NRXN3: variants seen among roughly 807,000 people sequenced by gnomAD.
The protein encoded by NRXN3 is neurexin 3, also known as neurexin III.
Under a neutral mutation model 137.6 loss-of-function variants are expected in NRXN3, and 32 were observed. The ratio of observed to expected loss-of-function variants is 0.23; its 90% CI spans 0.18 to 0.31. The LOEUF is 0.31. Ranked by LOEUF, NRXN3 falls within the 10% of genes least tolerant of loss-of-function variation. The pLI, the probability that NRXN3 is intolerant of heterozygous loss-of-function variation, is 1.00. For missense variants in NRXN3, 1,574 were observed against 2,062.5 expected (o/e 0.76, Z 4.59); for synonymous variants, 798 against 784.5 (o/e 1.02, Z -0.29).
intron 16 of NRXN3, among the ~76,000 whole-genome samples, chr14:79,541,398 C>T (rs1363504519): frequency 1.3e-5 from 2 of 152,044 alleles, no homozygotes; most frequent in Admixed American, 6.5e-5. Flanking sequence ...GAGCGAAACT[C>T]ATCTCAAAAA....
intron 16 of NRXN3, among the ~76,000 whole-genome samples, chr14:79,499,570 T>C (rs1282538959): frequency 6.6e-6 from 1 of 152,210 alleles, no homozygotes; most frequent in African/African-American, 2.4e-5. Context: ...GGAAAAGGAA[T>C]GTGACTGTTT....
rs201280874 is a variant in NRXN3, at chr14:78,559,638, GTC to G, written c.758-85478_758-85477del. Among the ~76,000 whole-genome samples, 503 of 152,294 alleles carry G rather than the reference GTC, an allele frequency of 3.3e-3. 4 individuals carry two copies. The highest frequency in any genetic ancestry group is 0.011 in the African/African-American group (477 of 41,552). ...CATGCACAAGAAAAATTTCTAAACT[GTC>G]TCTATTCTTGACAATACTTGGCATT... On this transcript the variant is annotated intron_variant, in intron 4 of 20. Transcript: ENST00000335750.
intron 8 of NRXN3, among the ~76,000 whole-genome samples, chr14:78,720,340 G>T (rs771747642): frequency 6.6e-6 from 1 of 152,088 alleles, no homozygotes; most frequent in Non-Finnish European, 1.5e-5. Context: ...TTAATACATA[G>T]CTACTTAATT....
intron 15 of NRXN3, among the ~76,000 whole-genome samples, chr14:79,216,290 T>A (rs1376638430): frequency 6.6e-6 from 1 of 152,152 alleles, no homozygotes; most frequent in Non-Finnish European, 1.5e-5. Flanking sequence ...AGAGGAAGTA[T>A]CTGGAAAGGG....
intron 10 of NRXN3, among the ~76,000 whole-genome samples, chr14:78,845,599 C>T (rs1016886921): frequency 1.3e-5 from 2 of 151,830 alleles, no homozygotes; most frequent in Admixed American, 1.3e-4. Flanking sequence ...TTTTTTCATT[C>T]AATGAACTAC....
chr14:78,711,736 A>T (rs4903790), intron 7 of NRXN3, among the ~76,000 whole-genome samples: 1 of 152,076 alleles, frequency 6.6e-6, no homozygotes, highest in Non-Finnish European at 1.5e-5. Context: ...CCACTGTGCC[A>T]GGCCTGGCCA....
At chr14:78,526,079 C>T (rs1381329228) in intron 4 of NRXN3, among the ~76,000 whole-genome samples, 1 of 152,052 alleles carries the variant, frequency 6.6e-6, no homozygotes, top group Admixed American at 6.6e-5. Context: ...GAGAGTGTGG[C>T]CAGAGAATGA....
At chr14:78,693,656 C>CGTGTGTGTGT (rs4016744) in intron 6 of NRXN3, among the ~76,000 whole-genome samples, 53 of 113,986 alleles carry the variant, frequency 4.6e-4, no homozygotes, top group East Asian at 8.2e-4. Context: ...AGTTGATTTT[C>CGTGTGTGTGT]GTGTGTGTGT....
At chr14:79,186,985 G>A (rs2063614988) in intron 15 of NRXN3, among the ~76,000 whole-genome samples, 1 of 152,026 alleles carries the variant, frequency 6.6e-6, no homozygotes, top group African/African-American at 2.4e-5. Flanking sequence ...ATGTTATATG[G>A]ACCTAAATGA....
intron 16 of NRXN3, among the ~76,000 whole-genome samples, chr14:79,569,630 T>TGAGAGA (rs765780227): frequency 6.8e-4 from 92 of 135,772 alleles, no homozygotes; most frequent in African/African-American, 2.7e-3. Context: ...TGTGTGTGTG[T>TGAGAGA]GAGAGAGAGA....
chr14:78,437,664 C>T (rs903967320), intron 4 of NRXN3, among the ~76,000 whole-genome samples: 1 of 152,154 alleles, frequency 6.6e-6, no homozygotes, highest in Non-Finnish European at 1.5e-5. Flanking sequence ...TTTCCGATCA[C>T]AGTTTCTAAA....
chr14:79,326,990 T>G (rs1435448171), intron 15 of NRXN3, among the ~76,000 whole-genome samples: 1 of 152,198 alleles, frequency 6.6e-6, no homozygotes, highest in African/African-American at 2.4e-5. Context: ...AAAAAAGTGC[T>G]CAGTCTCTCA....
rs745609595 is a variant in NRXN3, at chr14:78,988,035, C to T, written c.3156C>T (p.Thr1052=). Residue 1052 remains threonine, a synonymous_variant, in exon 15 of 21, where the codon ACC becomes ACT. Transcript: ENST00000335750. ...GTGCATTACTAGGACCCAGTACCAC[C>T]TGCCAGGAAGATTCATGTGCCAACC... ...IERGCEGPST[T]CQEDSCANQG... The T allele has an allele frequency of 6.2e-7, 1 of 1,613,750 alleles. No individual in the cohort carries two copies. The highest frequency in any genetic ancestry group is 8.5e-7 in the Non-Finnish European group (1 of 1,179,842).
intron 1 of NRXN3, among the ~76,000 whole-genome samples, chr14:78,195,620 C>T (rs958417548): frequency 2.6e-5 from 4 of 152,056 alleles, no homozygotes; most frequent in Non-Finnish European, 5.9e-5. Flanking sequence ...GATGAGAGAG[C>T]GAGAGCAACG....
chr14:78,682,083 A>G (rs922445876), intron 6 of NRXN3, among the ~76,000 whole-genome samples: 2 of 151,860 alleles, frequency 1.3e-5, no homozygotes, highest in South Asian at 4.2e-4. Flanking sequence ...GGCCAGGATG[A>G]TCTCGATCTC....
chr14:78,502,165 A>G (rs568677966), intron 4 of NRXN3, among the ~76,000 whole-genome samples: 3 of 152,140 alleles, frequency 2.0e-5, no homozygotes, highest in Non-Finnish European at 4.4e-5. Context: ...AGGCCTGTCC[A>G]TCTCCTAGTC....
At chr14:78,760,839 G>T (rs988887202) in intron 8 of NRXN3, among the ~76,000 whole-genome samples, 5 of 152,110 alleles carry the variant, frequency 3.3e-5, no homozygotes, top group African/African-American at 4.8e-5. Flanking sequence ...GGCAAAAATG[G>T]TTGGGATTTT....
At chr14:78,606,550 T>C (rs1326555677) in intron 4 of NRXN3, among the ~76,000 whole-genome samples, 3 of 152,216 alleles carry the variant, frequency 2.0e-5, no homozygotes, top group African/African-American at 7.2e-5. Context: ...ACACTTACGG[T>C]CTCTCCCGCT....
intron 15 of NRXN3, among the ~76,000 whole-genome samples, chr14:79,211,222 C>A (rs1352772631): frequency 6.6e-6 from 1 of 152,024 alleles, no homozygotes; most frequent in Non-Finnish European, 1.5e-5. Context: ...TAAAATGGGG[C>A]TATTAAGAGT....
Sources: allele counts gnomAD v4.1 joint callset (sites outside exome capture counted in the v4.1 genomes callset), GRCh38; gene constraint gnomAD v4.1.1; transcripts MANE v1.5; gene names NCBI Gene and HGNC (gene_info 2026-07-23, HGNC 2026-07-21).